The following AFAP1L2 variants were observed in gnomAD, a reference collection of about 807,000 sequenced individuals.
AFAP1L2 encodes actin filament associated protein 1 like 2, also known as actin filament-associated protein 1-like 2.
A neutral mutation model predicts 99.3 loss-of-function variants in AFAP1L2; 46 were observed. The ratio of observed to expected loss-of-function variants is 0.46; its 90% confidence interval spans 0.37 to 0.59. AFAP1L2 has a LOEUF of 0.59. Ranked by LOEUF, AFAP1L2 falls within the 20% of genes least tolerant of loss-of-function variation. The pLI is 0.00. For missense variants in AFAP1L2, 959 were observed against 1,034.9 expected, an observed-to-expected ratio of 0.93 and a Z score of 1.01; for synonymous variants, 397 against 419.1, an observed-to-expected ratio of 0.95 and a Z score of 0.64.
chr10:114,301,582 A>G (rs910964051), intron 12 of AFAP1L2, 117 bp from the exon 13 acceptor site: 7 of 722,902 alleles, frequency 9.7e-6, no homozygotes, highest in Non-Finnish European at 1.2e-5. Context: ...CACACAAGAG[A>G]TCTGGGGGCT....
intron 13 of AFAP1L2, 85 bp downstream of exon 13, chr10:114,301,269 T>G (rs2041133321): frequency 3.5e-6 from 4 of 1,146,610 alleles, no homozygotes; most frequent in Non-Finnish European, 5.2e-6. Context: ...TCAGGGATAC[T>G]CTAATGATCT....
chr10:114,302,509 A>C, intron 11 of AFAP1L2, 25 bp from the exon 12 acceptor site: 1 of 1,613,214 alleles, frequency 6.2e-7, no homozygotes, highest in Non-Finnish European at 8.5e-7. Context: ...AGAGAGACAT[A>C]AGCAGGGCCA....
chr10:114,378,913 A>G (rs1440634189), intron 1 of AFAP1L2, among the ~76,000 whole-genome samples: 21 of 152,142 alleles, frequency 1.4e-4, no homozygotes, highest in Non-Finnish European at 1.5e-5. Flanking sequence ...GGGACTAAAT[A>G]TACTATTTTC....
At chr10:114,301,272 AATG>A (rs2041134349) in intron 13 of AFAP1L2, 79 bp downstream of exon 13, 2 of 1,180,492 alleles carry the variant, frequency 1.7e-6, no homozygotes, top group Admixed American at 1.8e-5. Context: ...GGGATACTCT[AATG>A]ATCTCTGGCA....
intron 7 of AFAP1L2, among the ~76,000 whole-genome samples, chr10:114,310,763 C>T (rs1485480364): frequency 6.6e-6 from 1 of 151,946 alleles, no homozygotes; most frequent in Non-Finnish European, 1.5e-5. Context: ...CTCCGCGAGC[C>T]CCTTTCCTGC....
chr10:114,378,162 G>A (rs1030897096), intron 1 of AFAP1L2, among the ~76,000 whole-genome samples: 5 of 152,140 alleles, frequency 3.3e-5, no homozygotes, highest in South Asian at 2.1e-4. Context: ...CCTTATCCAC[G>A]GAATTCTCAA....
intron 10 of AFAP1L2, 98 bp downstream of exon 10, chr10:114,307,707 G>T: frequency 1.0e-6 from 1 of 959,518 alleles, no homozygotes; most frequent in Non-Finnish European, 1.6e-6. Flanking sequence ...GTTTACGGAA[G>T]ACCTAAAACC....
intron 1 of AFAP1L2, among the ~76,000 whole-genome samples, chr10:114,392,322 G>A (rs1196296503): frequency 6.6e-6 from 1 of 152,192 alleles, no homozygotes; most frequent in East Asian, 1.9e-4. Context: ...TCAGGAATTT[G>A]AGACTGCAGT....
chr10:114,383,980 C>T (rs938581401), intron 1 of AFAP1L2, among the ~76,000 whole-genome samples: 1 of 152,200 alleles, frequency 6.6e-6, no homozygotes, highest in Non-Finnish European at 1.5e-5. Flanking sequence ...GCAGGCCCCG[C>T]CTTCCGGTCC....
At chr10:114,319,991 G>C (rs575838374) in intron 5 of AFAP1L2, among the ~76,000 whole-genome samples, 1 of 152,130 alleles carries the variant, frequency 6.6e-6, no homozygotes, top group African/African-American at 2.4e-5. Flanking sequence ...AGGATTTTGC[G>C]TCCCTCGAGG....
intron 13 of AFAP1L2, 29 bp downstream of exon 13, chr10:114,301,314 GCCTGGAGAGGC>G (rs746486278): frequency 1.5e-4 from 231 of 1,522,612 alleles, no homozygotes; most frequent in Non-Finnish European, 2.1e-4. Context: ...TAGGAGGAGG[GCCTGGAGAGGC>G]CCAGGCCACT....
At chr10:114,325,927 C>T (rs1261726031) in intron 4 of AFAP1L2, 1 of 1,289,376 alleles carries the variant, frequency 7.8e-7, no homozygotes, top group Non-Finnish European at 1.0e-6. Flanking sequence ...GGCTCATCAG[C>T]CTGATCTGGC....
intron 2 of AFAP1L2, among the ~76,000 whole-genome samples, chr10:114,335,430 G>A (rs945832601): frequency 6.6e-6 from 1 of 152,054 alleles, no homozygotes; most frequent in Non-Finnish European, 1.5e-5. Flanking sequence ...GGCTAACATG[G>A]TGAAACCCCA....
intron 1 of AFAP1L2, among the ~76,000 whole-genome samples, chr10:114,371,756 C>T (rs1162999508): frequency 6.7e-6 from 1 of 149,506 alleles, no homozygotes; most frequent in Non-Finnish European, 1.5e-5. Flanking sequence ...ACGTGTATAC[C>T]TATGTAACAA....
chr10:114,320,305 T>C (rs558304737), intron 5 of AFAP1L2, among the ~76,000 whole-genome samples: 9 of 152,300 alleles, frequency 5.9e-5, no homozygotes, highest in Middle Eastern at 3.4e-3. Flanking sequence ...ATAGGGCTGA[T>C]AGAGCAGGTC....
intron 1 of AFAP1L2, among the ~76,000 whole-genome samples, chr10:114,401,108 G>A (rs1350208784): frequency 1.3e-5 from 2 of 152,172 alleles, no homozygotes; most frequent in African/African-American, 2.4e-5. Flanking sequence ...ATGCCCTAGA[G>A]CTAAGCGGGG....
rs1174020555 is a variant in AFAP1L2 at position 114,302,448 on chromosome 10, G to C, written c.1321C>G (p.Leu441Val). The C allele has an allele frequency of 3.7e-6, 6 of 1,614,022 alleles. No individual in the cohort carries two copies. Among genetic ancestry groups the C allele is most frequent in the Non-Finnish European group, 5.1e-6 (6 of 1,180,040 alleles). Reference protein sequence around the residue: ...SSEEMGHWLGLLLSESGSKTD... With the variant: ...SSEEMGHWLGVLLSESGSKTD... ...TTGGAGCCTGACTCAGAGAGCAGGA[G>C]ACCCAGCCAGTGGCCCATTTCCTCG... Residue 441 changes from leucine (L) to valine (V), a missense_variant, in exon 12 of 19, where the codon CTC becomes GTC. Leu to Val is a conservative substitution (Grantham distance 32). Around this residue, in one of 2 missense-constraint regions of AFAP1L2, gnomAD observed 576 missense variants for 562.1 expected, o/e 1.02. Transcript: ENST00000304129.
chr10:114,349,383 CA>C (rs113553514), intron 1 of AFAP1L2, among the ~76,000 whole-genome samples: 881 of 86,230 alleles, frequency 0.01, 14 homozygotes, highest in African/African-American at 0.039. Flanking sequence ...AACTCGGTCT[CA>C]AAAAAAAAAA....
At position 114,340,637 on chromosome 10, in the gene AFAP1L2, C is replaced by G; in HGVS notation, c.111G>C (p.Leu37=). The change falls in exon 2 of 19, where the codon CTG becomes CTC. Residue 37 remains leucine, a synonymous_variant. Coordinates refer to ENST00000304129, the MANE Select transcript of AFAP1L2 (RefSeq NM_001001936.3). ...SSTALVKKSC[L]AELLRLYTKS... ...TGGTGTAAAGCCGGAGGAGCTCCGCCAGGCAGCTCTTCTTCACCAGTGCTG... is the reference window on the plus strand; with the variant it reads ...TGGTGTAAAGCCGGAGGAGCTCCGCGAGGCAGCTCTTCTTCACCAGTGCTG... 1 of 1,614,230 alleles carries G rather than the reference C, an allele frequency of 6.2e-7. No individual in the cohort carries two copies. The highest frequency in any genetic ancestry group is 1.1e-5 in the South Asian group (1 of 91,084).
Sources: gnomAD v4.1 joint callset for allele counts (sites outside exome capture counted in the v4.1 genomes callset) on GRCh38, gnomAD v4.1.1 for gene constraint, gnomAD v4.1.1 regional missense constraint, MANE v1.5 for transcripts, NCBI Gene and HGNC (gene_info 2026-07-23, HGNC 2026-07-21) for gene names.